DPY19L1: variants seen among roughly 807,000 people sequenced by gnomAD.
DPY19L1 encodes the protein dpy-19 like C-mannosyltransferase 1.
DPY19L1 carries 35 observed loss-of-function variants against 96.9 expected under a neutral mutation model. The observed-to-expected ratio is 0.36, with a 90% CI of 0.28 to 0.48. The LOEUF (loss-of-function observed/expected upper bound fraction) is 0.48, where lower values mean the gene tolerates loss of function less well. DPY19L1 is among the 20% of genes least tolerant of loss of function. The probability of loss-of-function intolerance (pLI) is 0.99; values close to 1 mark genes in which losing one functional copy is unlikely to be tolerated. For synonymous variants in DPY19L1, 205 were observed against 252.6 expected (o/e 0.81, Z 1.79); for missense variants, 521 against 777.9 (o/e 0.67, Z 3.93).
intron 6 of DPY19L1, among the ~76,000 whole-genome samples, chr7:34,991,990 A>G (rs1785177967): frequency 6.6e-6 from 1 of 152,226 alleles, no homozygotes; most frequent in African/African-American, 2.4e-5. Flanking sequence ...AAATGGTTAA[A>G]CATCCTCGTA....
chr7:35,037,573 TGCCTG>T, upstream of DPY19L1: 1 of 289,636 alleles, frequency 3.5e-6, no homozygotes, highest in Non-Finnish European at 6.4e-6. Flanking sequence ...GGGCGGCTGC[TGCCTG>T]GCTGGCAGTA....
At chr7:34,951,519 T>G (rs1045317343) in intron 13 of DPY19L1, among the ~76,000 whole-genome samples, 1 of 151,888 alleles carries the variant, frequency 6.6e-6, no homozygotes, top group Non-Finnish European at 1.5e-5. Context: ...AAATCACAAA[T>G]AGACAATCTA....
At chr7:34,974,756 T>G (rs1784797767) in intron 7 of DPY19L1, among the ~76,000 whole-genome samples, 1 of 152,174 alleles carries the variant, frequency 6.6e-6, no homozygotes, top group Non-Finnish European at 1.5e-5. Flanking sequence ...CTGTCACAAA[T>G]TGAAGGTTTG....
intron 11 of DPY19L1, among the ~76,000 whole-genome samples, chr7:34,957,593 A>T (rs1052742653): frequency 1.2e-5 from 1 of 82,860 alleles, no homozygotes; most frequent in African/African-American, 3.7e-5. Flanking sequence ...GGGGCAAAAA[A>T]CAAAACAAGA....
At chr7:35,016,905 A>T (rs1785863036) in intron 3 of DPY19L1, among the ~76,000 whole-genome samples, 1 of 152,220 alleles carries the variant, frequency 6.6e-6, no homozygotes, top group Non-Finnish European at 1.5e-5. Flanking sequence ...AAAAACAGGT[A>T]AAGAAATTCA....
At chr7:35,005,856 G>C (rs1422181122) in intron 6 of DPY19L1, among the ~76,000 whole-genome samples, 2 of 151,774 alleles carry the variant, frequency 1.3e-5, no homozygotes, top group African/African-American at 2.4e-5. Context: ...TGAGAGAGAA[G>C]GTAAGGGATG....
intron 6 of DPY19L1, among the ~76,000 whole-genome samples, chr7:34,993,902 T>C (rs1407602763): frequency 7.0e-6 from 1 of 142,044 alleles, no homozygotes; most frequent in Admixed American, 7.0e-5. Flanking sequence ...TCTACGAAAA[T>C]ACAAAAAAAA....
chr7:34,966,593 T>C (rs1355408356), intron 10 of DPY19L1, among the ~76,000 whole-genome samples: 1 of 152,160 alleles, frequency 6.6e-6, no homozygotes, highest in Non-Finnish European at 1.5e-5. Context: ...GTCGGGCCCT[T>C]CTACTTCATT....
At chr7:34,986,042 G>T (rs1473388907) in intron 7 of DPY19L1, among the ~76,000 whole-genome samples, 1 of 152,020 alleles carries the variant, frequency 6.6e-6, no homozygotes, top group Non-Finnish European at 1.5e-5. Flanking sequence ...TATGCTAAGT[G>T]AAATAAACCA....
At chr7:34,989,130 A>G (rs1785110108) in intron 7 of DPY19L1, among the ~76,000 whole-genome samples, 1 of 152,220 alleles carries the variant, frequency 6.6e-6, no homozygotes, top group African/African-American at 2.4e-5. Context: ...GTCTTTAGAA[A>G]GCCCTTGAAC....
chr7:35,013,476 T>C, intron 4 of DPY19L1, 92 bp downstream of exon 4: 2 of 927,550 alleles, frequency 2.2e-6, no homozygotes, highest in Non-Finnish European at 3.3e-6. Context: ...TACAATTTAA[T>C]ATATTGAATT....
At chr7:34,952,536 T>C (rs1197677262) in intron 13 of DPY19L1, among the ~76,000 whole-genome samples, 1 of 152,162 alleles carries the variant, frequency 6.6e-6, no homozygotes, top group Non-Finnish European at 1.5e-5. Context: ...CAAATAATTT[T>C]AGGAGATGAC....
chr7:35,031,425 A>G (rs983920306), intron 1 of DPY19L1, among the ~76,000 whole-genome samples: 39 of 152,204 alleles, frequency 2.6e-4, no homozygotes, highest in African/African-American at 8.7e-4. Flanking sequence ...GCAGATTTTG[A>G]TATCGGAGGG....
intron 1 of DPY19L1, among the ~76,000 whole-genome samples, chr7:35,035,687 C>T (rs1786376744): frequency 6.6e-6 from 1 of 152,154 alleles, no homozygotes; most frequent in African/African-American, 2.4e-5. Flanking sequence ...AGTTATGATC[C>T]TTAACAGATC....
At chr7:35,029,050 T>C (rs1216832754) in intron 1 of DPY19L1, among the ~76,000 whole-genome samples, 1 of 152,232 alleles carries the variant, frequency 6.6e-6, no homozygotes, top group African/African-American at 2.4e-5. Context: ...AGCAGGGTCT[T>C]TGTGACCTGT....
chr7:34,932,079 G>A (rs959207567), intron 21 of DPY19L1, among the ~76,000 whole-genome samples: 1 of 152,174 alleles, frequency 6.6e-6, no homozygotes, highest in Non-Finnish European at 1.5e-5. Flanking sequence ...TTTGTAAAAT[G>A]GGGAAATAAA....
At chr7:35,027,994 T>G (rs991570344) in intron 1 of DPY19L1, among the ~76,000 whole-genome samples, 1 of 152,244 alleles carries the variant, frequency 6.6e-6, no homozygotes, top group Non-Finnish European at 1.5e-5. Flanking sequence ...AGCAAAACTG[T>G]GCTTTCCAAC....
chr7:35,005,663 A>T (rs1785536055), intron 6 of DPY19L1, among the ~76,000 whole-genome samples: 1 of 133,822 alleles, frequency 7.5e-6, no homozygotes, highest in Non-Finnish European at 1.7e-5. Context: ...AAAAAAAAAA[A>T]TTAGCCAGGT....
intron 1 of DPY19L1, among the ~76,000 whole-genome samples, chr7:35,030,058 G>A (rs1193330475): frequency 6.6e-6 from 1 of 152,114 alleles, no homozygotes. Context: ...GATGAGAAAA[G>A]AGTGAGAAAT....
Sources: allele counts gnomAD v4.1 joint callset (sites outside exome capture counted in the v4.1 genomes callset), GRCh38; gene constraint gnomAD v4.1.1; transcripts MANE v1.5; gene names NCBI Gene and HGNC (gene_info 2026-07-23, HGNC 2026-07-21).